Variants in SND1 observed in about 807,000 individuals in gnomAD.
SND1 encodes staphylococcal nuclease and tudor domain containing 1.
In SND1, 38 loss-of-function variants were observed where a neutral mutation model predicts 121.7. The observed-to-expected ratio is 0.31, with a 90% CI of 0.24 to 0.41. SND1 has a LOEUF of 0.41. SND1 is among the 10% of genes least tolerant of loss of function. SND1 has a pLI of 1.00. For missense variants in SND1, 868 were observed against 1,184.6 expected (o/e 0.73, Z 3.92); for synonymous variants, 401 against 447.4 (o/e 0.90, Z 1.31).
intron 14 of SND1, among the ~76,000 whole-genome samples, chr7:127,909,137 C>T (rs774953838): frequency 2.6e-5 from 4 of 152,084 alleles, no homozygotes; most frequent in Admixed American, 6.5e-5. Flanking sequence ...TGAGGAGTTA[C>T]GATGTTTGTT....
chr7:127,898,765 A>G (rs1234916502), intron 13 of SND1, among the ~76,000 whole-genome samples: 1 of 152,148 alleles, frequency 6.6e-6, no homozygotes, highest in Admixed American at 6.6e-5. Context: ...TACAGTGGTC[A>G]AGCTTTGCTC....
intron 11 of SND1, among the ~76,000 whole-genome samples, chr7:127,828,246 C>T (rs1272919582): frequency 1.3e-5 from 2 of 152,130 alleles, no homozygotes; most frequent in African/African-American, 4.8e-5. Context: ...ATCTGCCTGC[C>T]TCAGCCTCCC....
intron 10 of SND1, among the ~76,000 whole-genome samples, chr7:127,722,878 T>C (rs1162795939): frequency 1.3e-5 from 2 of 152,156 alleles, no homozygotes; most frequent in East Asian, 3.9e-4. Context: ...AGAATTTAAA[T>C]GTATGAAAGC....
At chr7:128,038,084 T>C (rs1792785034) in intron 16 of SND1, among the ~76,000 whole-genome samples, 1 of 152,220 alleles carries the variant, frequency 6.6e-6, no homozygotes, top group Non-Finnish European at 1.5e-5. Flanking sequence ...ATAGAGTGGC[T>C]TTTCAGGTAT....
intron 11 of SND1, among the ~76,000 whole-genome samples, chr7:127,836,818 A>G (rs1247719810): frequency 1.3e-5 from 2 of 152,194 alleles, no homozygotes; most frequent in Non-Finnish European, 2.9e-5. Context: ...TTCTAGAATC[A>G]TGTTGACAAA....
At chr7:128,066,280 G>T (rs1019535131) in intron 16 of SND1, among the ~76,000 whole-genome samples, 1 of 152,226 alleles carries the variant, frequency 6.6e-6, no homozygotes, top group African/African-American at 2.4e-5. Flanking sequence ...CCACAGCACA[G>T]GCCTTTTCTT....
chr7:128,065,832 G>A (rs989297422), intron 16 of SND1, among the ~76,000 whole-genome samples: 43 of 152,226 alleles, frequency 2.8e-4, no homozygotes, highest in African/African-American at 9.9e-4. Context: ...GGGAACATGA[G>A]GAGGAGCTGT....
In SND1 at chr7:128,074,521, G is replaced by A. The variant is rs762144241; in HGVS notation, c.1799G>A (p.Ser600Asn). 8 of 1,612,786 alleles carry A rather than the reference G, an allele frequency of 5.0e-6. No individual in the cohort carries two copies. Among genetic ancestry groups the A allele is most frequent in the East Asian group, 2.2e-5 (1 of 44,866 alleles). Reference protein sequence around the residue: ...LQREVEVEVESMDKAGNFIGW... With the variant: ...LQREVEVEVENMDKAGNFIGW... The stretch of plus-strand genomic sequence containing the variant: ...TCCCAGGTGGAGGTGGAGGTGGAGA[G>A]CATGGACAAGGCCGGCAACTTTATC... Residue 600 changes from serine (S) to asparagine (N), a missense_variant, in exon 17 of 24, where the codon AGC (serine) becomes AAC (asparagine). Around this residue, in one of 2 missense-constraint regions of SND1, gnomAD observed 743 missense variants for 1,071.3 expected, o/e 0.69. Coordinates refer to ENST00000354725, the MANE Select transcript of SND1 (RefSeq NM_014390.4).
chr7:127,903,112 G>T (rs1800268609), intron 13 of SND1, among the ~76,000 whole-genome samples: 1 of 152,108 alleles, frequency 6.6e-6, no homozygotes. Flanking sequence ...TCAAACTCCT[G>T]ACCTTGTGAT....
intron 10 of SND1, among the ~76,000 whole-genome samples, chr7:127,726,794 CTTGAAA>C (rs2116401030): frequency 6.6e-6 from 1 of 152,320 alleles, no homozygotes; most frequent in African/African-American, 2.4e-5. Flanking sequence ...TGAAATTTAC[CTTGAAA>C]ACAGGTACAT....
intron 10 of SND1, among the ~76,000 whole-genome samples, chr7:127,726,951 G>A (rs187733852): frequency 6.6e-6 from 1 of 152,082 alleles, no homozygotes. Flanking sequence ...CACTGCCAGC[G>A]CTCCCACTTA....
At chr7:127,704,707 A>T in intron 7 of SND1, 132 bp from the exon 8 acceptor site, 1 of 734,626 alleles carries the variant, frequency 1.4e-6, no homozygotes, top group Non-Finnish European at 2.4e-6. Context: ...AAGCTACTCT[A>T]CTGTAAACAA....
intron 20 of SND1, 99 bp from the exon 21 acceptor site, chr7:128,086,839 G>C: frequency 1.0e-6 from 1 of 961,476 alleles, no homozygotes; most frequent in South Asian, 1.3e-5. Flanking sequence ...GGGTGGCCCA[G>C]AGTTAGCATT....
rs905716947 is a variant in SND1 at position 127,679,915 on chromosome 7, G to A, written c.79-6698G>A. 3.9e-5 allele frequency among the ~76,000 whole-genome samples: 6 copies of A among 152,138 alleles called. No homozygotes were observed. The East Asian group carries it at 9.6e-4, about 24-fold the overall frequency. ...AATGAGCATTGGTGTACAAGTTTCT[G>A]TGTGGGCATATGTTTGTATTTCTCT... On this transcript the variant is annotated intron_variant, in intron 1 of 23. Coordinates refer to ENST00000354725, the MANE Select transcript of SND1 (RefSeq NM_014390.4).
At chr7:127,817,721 C>CGTT in intron 11 of SND1, among the ~76,000 whole-genome samples, 1 of 104,074 alleles carries the variant, frequency 9.6e-6, no homozygotes, top group Non-Finnish European at 1.9e-5. Context: ...TTCCTTCATA[C>CGTT]TTTTTTTTTT....
chr7:127,703,136 A>C, intron 6 of SND1, 29 bp from the exon 7 acceptor site: 1 of 1,613,824 alleles, frequency 6.2e-7, no homozygotes, highest in Non-Finnish European at 8.5e-7. Flanking sequence ...TTTAGGCTGC[A>C]TTACTCACCT....
chr7:127,936,141 C>A (rs530405173), intron 15 of SND1, among the ~76,000 whole-genome samples: 1 of 152,288 alleles, frequency 6.6e-6, no homozygotes, highest in Admixed American at 6.5e-5. Flanking sequence ...GCCCTCTAGT[C>A]CTTTAAGCAC....
rs745454908 is a variant in SND1, at chr7:128,029,426, G to A, written c.1779+38370G>A. 35 of 1,614,084 alleles carry A rather than the reference G, an allele frequency of 2.2e-5. No homozygotes were observed. Among genetic ancestry groups the A allele is most frequent in the Middle Eastern group, 1.6e-4 (1 of 6,084 alleles). On this transcript the variant is annotated intron_variant, in intron 16 of 23. Transcript: ENST00000354725. The surrounding 1 kb of genome is among the most constrained non-coding windows in gnomAD (Gnocchi z 4.2). ...CGTGGGAAAAGTTCAAGGTGCCGTC[G>A]TTGAGGACAGAGATCCTTGGGTGGC...
chr7:128,071,624 A>G (rs1052408193), intron 16 of SND1, among the ~76,000 whole-genome samples: 2 of 152,216 alleles, frequency 1.3e-5, no homozygotes, highest in African/African-American at 4.8e-5. Flanking sequence ...CTCTGCTTTC[A>G]ATCTCCGTAA....
Sources: allele counts gnomAD v4.1 joint callset (sites outside exome capture counted in the v4.1 genomes callset), GRCh38; gene constraint gnomAD v4.1.1; regional missense constraint gnomAD v4.1.1; non-coding constraint Gnocchi (gnomAD v3.1); transcripts MANE v1.5; gene names NCBI Gene and HGNC (gene_info 2026-07-23, HGNC 2026-07-21).